Variants in ERC2 observed in about 807,000 individuals in gnomAD.
The protein encoded by ERC2 is ERC protein 2.
In ERC2, 42 loss-of-function variants were observed where a neutral mutation model predicts 114.8. The observed-to-expected ratio is 0.37, with a 90% confidence interval of 0.29 to 0.47. ERC2 has a LOEUF of 0.47. Ranked by LOEUF, ERC2 falls within the 20% of genes least tolerant of loss-of-function variation. ERC2 has a pLI of 0.99. For synonymous variants in ERC2, 454 were observed against 425.5 expected, an observed-to-expected ratio of 1.07 and a Z score of -0.82; for missense variants, 939 against 1,150.7, an observed-to-expected ratio of 0.82 and a Z score of 2.66.
intron 12 of ERC2, among the ~76,000 whole-genome samples, chr3:55,983,932 A>C (rs988936657): frequency 6.6e-6 from 1 of 152,212 alleles, no homozygotes; most frequent in Non-Finnish European, 1.5e-5. Context: ...GGAATAAAGC[A>C]CAGTTAATTC....
intron 17 of ERC2, among the ~76,000 whole-genome samples, chr3:55,619,233 G>A (rs1405953366): frequency 6.6e-6 from 1 of 152,112 alleles, no homozygotes; most frequent in African/African-American, 2.4e-5. Flanking sequence ...ATTGGAACCT[G>A]GAAACTGGAC....
intron 17 of ERC2, among the ~76,000 whole-genome samples, chr3:55,580,683 T>A (rs1259865460): frequency 6.6e-6 from 1 of 152,164 alleles, no homozygotes; most frequent in African/African-American, 2.4e-5. Flanking sequence ...GTCCTAGAGA[T>A]GCTTATCTTT....
intron 14 of ERC2, among the ~76,000 whole-genome samples, chr3:55,754,595 C>T (rs2148977678): frequency 7.1e-6 from 1 of 140,328 alleles, no homozygotes; most frequent in African/African-American, 2.6e-5. Flanking sequence ...GACAGTTATC[C>T]ATTCTTACAT....
In ERC2 at chr3:55,831,313, G is replaced by A. The variant is rs199728615; in HGVS notation, c.2564+57076C>T. ...GGTGACAGAGCAAGATCTGAACTTC[G>A]AAGGAAAGAAGAGGGGAGGGGAAGG... On this transcript the variant is annotated intron_variant, in intron 14 of 17. Transcript: ENST00000288221. Among the ~76,000 whole-genome samples, 59 of 134,900 alleles carry A rather than the reference G, an allele frequency of 4.4e-4. No homozygotes were observed. In the East Asian group the frequency reaches 4.8e-3, roughly 11 times the overall value. 88.5% of individuals were successfully genotyped at this position (134,900 alleles called of 152,430 possible). A position where few individuals can be genotyped will look rare whatever the true frequency, so the allele number is the denominator to read the frequency against.
At chr3:56,160,095 C>T (rs1301751645) in intron 4 of ERC2, among the ~76,000 whole-genome samples, 1 of 152,132 alleles carries the variant, frequency 6.6e-6, no homozygotes, top group Non-Finnish European at 1.5e-5. Context: ...CAGAGGCTGA[C>T]CTAATTTGTA....
intron 2 of ERC2, among the ~76,000 whole-genome samples, chr3:56,398,785 T>A (rs1040000517): frequency 6.6e-6 from 1 of 152,132 alleles, no homozygotes; most frequent in African/African-American, 2.4e-5. Context: ...CACACTCGAA[T>A]AATTTTGTAA....
At chr3:56,117,931 T>C (rs1418010742) in intron 6 of ERC2, among the ~76,000 whole-genome samples, 1 of 152,142 alleles carries the variant, frequency 6.6e-6, no homozygotes, top group Non-Finnish European at 1.5e-5. Context: ...TTTTAGACAG[T>C]GAATTGACTA....
chr3:55,570,430 G>C (rs1304016955), intron 17 of ERC2, among the ~76,000 whole-genome samples: 4 of 152,154 alleles, frequency 2.6e-5, no homozygotes, highest in African/African-American at 9.7e-5. Context: ...TCCTCTTGCT[G>C]ATGTGACAAA....
chr3:55,510,747 A>G lies in ERC2; in HGVS notation c.*569T>C, dbSNP rs2052017941. 1 of 152,268 alleles carries G rather than the reference A, an allele frequency of 6.6e-6. No homozygotes were observed. The highest frequency in any genetic ancestry group is 2.1e-4 in the South Asian group (1 of 4,828). The allele number at this position is 152,268 out of a possible 1,614,324, so 9.4% of individuals were successfully genotyped here. The stretch of plus-strand genomic sequence containing the variant: ...GGTGTTTTTTGTTTCTTCGTCAAAC[A>G]CTCCATGCATCATGGTATACAAACA... On this transcript the variant is annotated 3_prime_UTR_variant, in exon 18 of 18. Transcript: ENST00000288221.
intron 7 of ERC2, among the ~76,000 whole-genome samples, chr3:56,070,537 T>G (rs1429368692): frequency 6.6e-6 from 1 of 152,144 alleles, no homozygotes; most frequent in Admixed American, 6.5e-5. Context: ...AAGCAAATAT[T>G]TATTTAAAAG....
intron 2 of ERC2, among the ~76,000 whole-genome samples, chr3:56,408,927 G>A (rs903495472): frequency 6.6e-6 from 1 of 152,238 alleles, no homozygotes; most frequent in Non-Finnish European, 1.5e-5. Flanking sequence ...GCGTGGCCAG[G>A]AGTTGGGAGT....
chr3:55,825,037 A>G (rs1447192372), intron 14 of ERC2, among the ~76,000 whole-genome samples: 4 of 152,186 alleles, frequency 2.6e-5, no homozygotes, highest in Admixed American at 2.6e-4. Flanking sequence ...AGGTAGAGTC[A>G]CCATTTTTTT....
chr3:56,265,600 G>T (rs2053237459), intron 3 of ERC2, among the ~76,000 whole-genome samples: 1 of 152,178 alleles, frequency 6.6e-6, no homozygotes, highest in East Asian at 1.9e-4. Context: ...AAATAAAGAA[G>T]TGTAACTACA....
chr3:55,585,852 C>A (rs895868324), intron 17 of ERC2, among the ~76,000 whole-genome samples: 1 of 152,180 alleles, frequency 6.6e-6, no homozygotes, highest in Admixed American at 6.5e-5. Context: ...GAAAGATCCA[C>A]AAACAAACAC....
At chr3:56,142,836 G>GA (rs2080937025) in intron 5 of ERC2, among the ~76,000 whole-genome samples, 1 of 143,012 alleles carries the variant, frequency 7.0e-6, no homozygotes, top group Non-Finnish European at 1.5e-5. Context: ...CTGTGTACTA[G>GA]TTTTTTTTTT....
intron 17 of ERC2, among the ~76,000 whole-genome samples, chr3:55,515,767 G>C (rs929581366): frequency 1.3e-5 from 2 of 152,036 alleles, no homozygotes; most frequent in Admixed American, 6.6e-5. Context: ...GCCCCAGGGA[G>C]AGCAGGCTAT....
At chr3:56,416,681 A>AAT (rs1472119810) in intron 2 of ERC2, among the ~76,000 whole-genome samples, 1 of 147,472 alleles carries the variant, frequency 6.8e-6, no homozygotes, top group African/African-American at 2.6e-5. Flanking sequence ...AAAAAAAAAA[A>AAT]CTCCTGATCT....
chr3:55,716,626 T>G (rs889196175), intron 15 of ERC2, among the ~76,000 whole-genome samples: 3 of 152,200 alleles, frequency 2.0e-5, no homozygotes, highest in African/African-American at 7.2e-5. Flanking sequence ...GATTCCCTTT[T>G]ATAGCCCTTG....
chr3:56,069,713 T>C (rs182940627), intron 7 of ERC2, among the ~76,000 whole-genome samples: 139 of 152,308 alleles, frequency 9.1e-4, no homozygotes, highest in Non-Finnish European at 1.4e-3. Context: ...CATAATTGTA[T>C]TATCTAAGGA....
Sources: gnomAD v4.1 joint callset for allele counts (sites outside exome capture counted in the v4.1 genomes callset) on GRCh38, gnomAD v4.1.1 for gene constraint, MANE v1.5 for transcripts, NCBI Gene and HGNC (gene_info 2026-07-23, HGNC 2026-07-21) for gene names.